The following CKAP5 variants were observed in gnomAD, a reference collection of about 807,000 sequenced individuals.
CKAP5 encodes the protein cytoskeleton associated protein 5, also known as cytoskeleton-associated protein 5.
A neutral mutation model predicts 232.8 loss-of-function variants in CKAP5; 27 were observed. The ratio of observed to expected loss-of-function variants is 0.12; its 90% CI spans 0.09 to 0.16. CKAP5 has a LOEUF of 0.16. Ranked by LOEUF, CKAP5 falls within the 10% of genes least tolerant of loss-of-function variation. The probability of loss-of-function intolerance (pLI) is 1.00; values close to 1 mark genes in which losing one functional copy is unlikely to be tolerated. For missense variants in CKAP5, 1,838 were observed against 2,424.7 expected (o/e 0.76, Z 5.08); for synonymous variants, 785 against 841.1 (o/e 0.93, Z 1.16).
chr11:46,762,914 G>T, intron 30 of CKAP5, 62 bp downstream of exon 30: 2 of 1,501,664 alleles, frequency 1.3e-6, no homozygotes, highest in Non-Finnish European at 1.8e-6. Flanking sequence ...GGAAATAAAA[G>T]TACAGAAACT....
chr11:46,834,994 T>A (rs1352873292), intron 1 of CKAP5, among the ~76,000 whole-genome samples: 1 of 151,378 alleles, frequency 6.6e-6, no homozygotes, highest in African/African-American at 2.4e-5. Flanking sequence ...TTCCTAGATA[T>A]GAGGTCTGTC....
chr11:46,761,705 C>T lies in CKAP5; in HGVS notation c.4221+295G>A, dbSNP rs375781624. Among the ~76,000 whole-genome samples the T allele has an allele frequency of 1.1e-4, 16 of 152,280 alleles. No individual in the cohort carries two copies. The East Asian group carries it at 1.5e-3, about 15-fold the overall frequency. On this transcript the variant is annotated intron_variant, in intron 32 of 43. Transcript: ENST00000529230. ...CAGTAAAAATTACAGAGCAGACTGC[C>T]AGGCAGAATTTAAACCCGGGACTAG...
chr11:46,796,202 A>G (rs1026458040), intron 12 of CKAP5, among the ~76,000 whole-genome samples: 2 of 151,754 alleles, frequency 1.3e-5, no homozygotes, highest in Admixed American at 6.6e-5. Context: ...TCAGAGAAAA[A>G]ATTTCCCTTT....
At chr11:46,770,247 G>A in intron 25 of CKAP5, 149 bp from the exon 26 acceptor site, 3 of 744,956 alleles carry the variant, frequency 4.0e-6, no homozygotes, top group South Asian at 1.7e-5. Context: ...TGGTGTCAGA[G>A]AAGTCACACA....
intron 2 of CKAP5, 90 bp from the exon 3 acceptor site, chr11:46,818,593 A>C: frequency 1.1e-6 from 1 of 949,940 alleles, no homozygotes; most frequent in Non-Finnish European, 1.5e-6. Flanking sequence ...TGAGAATAGA[A>C]ATGAATATCC....
At chr11:46,816,530 A>T in intron 3 of CKAP5, 126 bp from the exon 4 acceptor site, 1 of 672,450 alleles carries the variant, frequency 1.5e-6, no homozygotes, top group Non-Finnish European at 2.5e-6. Context: ...TTTAATTTTT[A>T]AATTTATGTT....
intron 4 of CKAP5, among the ~76,000 whole-genome samples, chr11:46,812,725 C>A (rs899865203): frequency 2.6e-5 from 4 of 152,070 alleles, no homozygotes; most frequent in Non-Finnish European, 5.9e-5. Context: ...GCAGCCTCGA[C>A]CTTCCCTGCT....
chr11:46,757,245 C>A (rs575945398), intron 35 of CKAP5, among the ~76,000 whole-genome samples: 3 of 151,790 alleles, frequency 2.0e-5, no homozygotes, highest in Non-Finnish European at 4.4e-5. Context: ...GTAATCCCAG[C>A]ACTTTGGGAG....
At chr11:46,815,989 C>T (rs760406940) in intron 4 of CKAP5, among the ~76,000 whole-genome samples, 9 of 152,058 alleles carry the variant, frequency 5.9e-5, no homozygotes, top group South Asian at 2.1e-4. Context: ...GGTTCTCATA[C>T]GAGTGCAAAC....
intron 22 of CKAP5, 21 bp from the exon 23 acceptor site, chr11:46,777,573 C>A (rs1213272099): frequency 5.3e-6 from 8 of 1,508,314 alleles, no homozygotes; most frequent in Non-Finnish European, 6.5e-6. Context: ...AGAGCCAATA[C>A]TTTATGTTGA....
Position 46,797,818 on chromosome 11 carries a change from G to C in CKAP5, c.1325C>G (p.Ala442Gly). 6.2e-7 allele frequency: 1 copy of C among 1,611,246 alleles called. No individual in the cohort carries two copies. Among genetic ancestry groups the C allele is most frequent in the Non-Finnish European group, 8.5e-7 (1 of 1,179,368 alleles). Residue 442 changes from alanine (A) to glycine (G), a missense_variant, in exon 11 of 44, where the codon GCT (alanine) becomes GGT (glycine). By Grantham distance (60) the Ala-to-Gly change is moderately conservative (BLOSUM62 0). Coordinates refer to ENST00000529230, the MANE Select transcript of CKAP5 (RefSeq NM_001008938.4). ...GAGAGTCTGTACCTTAAGTAGTGCAGCACAAAAGGGCTTTAGCAAGCTCTT... is the reference window on the plus strand; with the variant it reads ...GAGAGTCTGTACCTTAAGTAGTGCACCACAAAAGGGCTTTAGCAAGCTCTT... ...LPKSLLKPFC[A>G]ALLKHINDSA...
At chr11:46,746,416 CAT>C (rs753762939) in intron 42 of CKAP5, among the ~76,000 whole-genome samples, 145 of 152,142 alleles carry the variant, frequency 9.5e-4, no homozygotes, top group Non-Finnish European at 1.7e-3. Flanking sequence ...CAAATATCAT[CAT>C]GTGTGGCTTA....
chr11:46,743,965 A>C lies in CKAP5; in HGVS notation c.*58T>G. 6.2e-7 allele frequency: 1 copy of C among 1,608,674 alleles called. No homozygotes were observed. ...AGGCCTGCTGAGGCCATTTTAAACT[A>C]TGAGGACTTCTAGTTTAGTAAACTA... On this transcript the variant is annotated 3_prime_UTR_variant, in exon 44 of 44. Transcript: ENST00000529230.
In CKAP5 at chr11:46,821,253, G is replaced by A. The variant is rs779845722; in HGVS notation, c.-22C>T. On this transcript the variant is annotated 5_prime_UTR_variant, in exon 2 of 44. Transcript: ENST00000529230. Reference sequence around the variant, plus strand: ...CCATTGTGCTTCCAGGTTTTCCTTAGAATTAAGAGTATTTCCTGGTCAGAT... The same window carrying A: ...CCATTGTGCTTCCAGGTTTTCCTTAAAATTAAGAGTATTTCCTGGTCAGAT... 6.3e-7 allele frequency: 1 copy of A among 1,588,634 alleles called. No homozygotes were observed. Among genetic ancestry groups the A allele is most frequent in the Non-Finnish European group, 8.6e-7 (1 of 1,157,376 alleles).
intron 35 of CKAP5, among the ~76,000 whole-genome samples, chr11:46,758,093 T>TAATTGAAATAA (rs1170052848): frequency 2.6e-5 from 4 of 152,138 alleles, no homozygotes; most frequent in Non-Finnish European, 4.4e-5. Flanking sequence ...TTTCCTATCA[T>TAATTGAAATAA]AATTGAAATA....
chr11:46,780,050 C>T (rs2065326222), intron 20 of CKAP5, 144 bp downstream of exon 20: 1 of 841,984 alleles, frequency 1.2e-6, no homozygotes, highest in East Asian at 2.6e-5. Context: ...ACACTACAGC[C>T]CAAAACATCT....
At chr11:46,749,457 GAAAAAAAAAAA>G (rs951405505) in intron 42 of CKAP5, among the ~76,000 whole-genome samples, 1 of 76,488 alleles carries the variant, frequency 1.3e-5, no homozygotes, top group African/African-American at 4.3e-5. Flanking sequence ...TCCGTCTCAA[GAAAAAAAAAAA>G]AAAAAAAAAA....
chr11:46,784,535 T>C lies in CKAP5; in HGVS notation c.2107A>G (p.Met703Val), dbSNP rs2065374309. 6.2e-7 allele frequency: 1 copy of C among 1,614,050 alleles called. No homozygotes were observed. The highest frequency in any genetic ancestry group is 8.5e-7 in the Non-Finnish European group (1 of 1,180,014). ...ATACAGGCTTCGGCTATTGCTGTCA[T>C]AGCTTCTTTTGCATTGTTCCCACAT... Reference protein sequence around the residue: ...VKCGNNAKEAMTAIAEACMLP... With the variant: ...VKCGNNAKEAVTAIAEACMLP... Residue 703 changes from methionine (M) to valine (V), a missense_variant, in exon 17 of 44, where the codon ATG (methionine) becomes GTG (valine). Physicochemically the swap from Met to Val is conservative, Grantham distance 21. Transcript: ENST00000529230.
Position 46,761,978 on chromosome 11 carries a change from A to G in CKAP5, c.4221+22T>C, listed in dbSNP as rs746051981. 5.7e-6 allele frequency: 9 copies of G among 1,577,896 alleles called. No individual in the cohort carries two copies. The East Asian group carries it at 9.0e-5, about 16-fold the overall frequency. ...GCAATTCTTTTCACGACATGCTGACAGTGTTCAGAGAAGTCACTCACATTT... is the reference window on the plus strand; with the variant it reads ...GCAATTCTTTTCACGACATGCTGACGGTGTTCAGAGAAGTCACTCACATTT... On this transcript the variant is annotated intron_variant, in intron 32 of 43. Coordinates refer to ENST00000529230, the MANE Select transcript of CKAP5 (RefSeq NM_001008938.4).
Sources: allele counts gnomAD v4.1 joint callset (sites outside exome capture counted in the v4.1 genomes callset), GRCh38; gene constraint gnomAD v4.1.1; transcripts MANE v1.5; gene names NCBI Gene and HGNC (gene_info 2026-07-23, HGNC 2026-07-21).